Variants in EDARADD observed in about 807,000 individuals in gnomAD.
The protein encoded by EDARADD is ectodysplasin-A receptor-associated adapter protein.
Under a neutral mutation model 25.6 loss-of-function variants are expected in EDARADD, and 20 were observed. The observed-to-expected ratio is 0.78, with a 90% CI of 0.55 to 1.14. The LOEUF is 1.14. Among genes scored for constraint, EDARADD ranks in the 50% most tolerant of loss-of-function variants. EDARADD has a pLI of 0.00. For missense variants in EDARADD, 225 were observed against 270.1 expected (o/e 0.83, Z 1.17); for synonymous variants, 86 against 94.4 (o/e 0.91, Z 0.52).
intron 3 of EDARADD, among the ~76,000 whole-genome samples, chr1:236,352,170 G>A (rs1224629212): frequency 2.0e-5 from 3 of 152,040 alleles, no homozygotes; most frequent in African/African-American, 4.8e-5. Context: ...TGAAACTGCC[G>A]CCTAGAATAT....
intron 1 of EDARADD, among the ~76,000 whole-genome samples, chr1:236,405,886 TTTC>T (rs1667720158): frequency 3.1e-5 from 1 of 32,332 alleles, no homozygotes; most frequent in Non-Finnish European, 7.0e-5. Flanking sequence ...TCTTTCTTTC[TTTC>T]TTTCTTTCTT....
rs773408614 is a variant in EDARADD at position 236,482,579 on chromosome 1, A to G, written c.578A>G (p.Lys193Arg). 1 of 1,613,362 alleles carries G rather than the reference A, an allele frequency of 6.2e-7. No homozygotes were observed. The highest frequency in any genetic ancestry group is 8.5e-7 in the Non-Finnish European group (1 of 1,180,002). The change falls in exon 6 of 6, where the codon AAG becomes AGG. Residue 193 changes from lysine to arginine, a missense_variant. Transcript: ENST00000334232. ...CRLYHRADVE[K>R]VLRRWVDEEW... Reference sequence around the variant, plus strand: ...CTCTACCACAGGGCCGACGTGGAGAAGGTTCTGCGCAGGTGGGTGGACGAG... The same window carrying G: ...CTCTACCACAGGGCCGACGTGGAGAGGGTTCTGCGCAGGTGGGTGGACGAG...
intron 4 of EDARADD, among the ~76,000 whole-genome samples, chr1:236,458,504 G>C (rs11587195): frequency 0.34 from 52,125 of 151,996 alleles, 9,445 homozygotes; most frequent in Non-Finnish European, 0.41. Context: ...AGTAACATGT[G>C]GGGAGTGAGA....
chr1:236,376,852 T>C (rs1667231078), intron 3 of EDARADD, among the ~76,000 whole-genome samples: 1 of 152,064 alleles, frequency 6.6e-6, no homozygotes, highest in Non-Finnish European at 1.5e-5. Context: ...TCATTCCAGT[T>C]TTTTCCAATC....
chr1:236,459,611 C>CTTTTTTT (rs397860471), intron 4 of EDARADD, among the ~76,000 whole-genome samples: 1 of 100,486 alleles, frequency 1.0e-5, no homozygotes, highest in Non-Finnish European at 2.0e-5. Flanking sequence ...TTATTTAGCT[C>CTTTTTTT]TTTTTTTTTT....
chr1:236,479,478 A>T (rs914611966), intron 5 of EDARADD, among the ~76,000 whole-genome samples: 3 of 151,496 alleles, frequency 2.0e-5, no homozygotes, highest in African/African-American at 7.3e-5. Flanking sequence ...CTGGGCAACA[A>T]AGCAAGACCC....
Position 236,351,839 on chromosome 1 carries a change from G to T in EDARADD, c.-6+1000G>T, listed in dbSNP as rs1473177576. On this transcript the variant is annotated intron_variant, in intron 3 of 7. Transcript: ENST00000439430. ...GAGAGTCACACACAAGGGGGTTTGG[G>T]GGTGCTACCTTTATGGGTTTTTTTA... Among the ~76,000 whole-genome samples the T allele has an allele frequency of 3.9e-5, 6 of 152,222 alleles. 1 individual carries two copies. The highest frequency in any genetic ancestry group is 3.9e-4 in the Admixed American group (6 of 15,294).
chr1:236,396,485 AT>A (rs1667517285), intron 1 of EDARADD, among the ~76,000 whole-genome samples: 2 of 152,190 alleles, frequency 1.3e-5, no homozygotes, highest in Admixed American at 1.3e-4. Context: ...ACAGAACCTG[AT>A]ATAACCGTTT....
At chr1:236,382,832 G>A (rs1667316415) in intron 3 of EDARADD, among the ~76,000 whole-genome samples, 1 of 152,236 alleles carries the variant, frequency 6.6e-6, no homozygotes. Context: ...CACCAGGCAC[G>A]GTTCCCTCTG....
intron 5 of EDARADD, among the ~76,000 whole-genome samples, chr1:236,471,293 G>A (rs973694559): frequency 6.6e-6 from 1 of 152,144 alleles, no homozygotes; most frequent in African/African-American, 2.4e-5. Context: ...CCTTGGGTCA[G>A]TTTCTTAGTA....
chr1:236,411,041 C>T lies in EDARADD; in HGVS notation c.120+1767C>T, dbSNP rs929552682. On this transcript the variant is annotated intron_variant, in intron 2 of 5. Transcript: ENST00000334232. ...ATTCAGTTTGCCTTCTTTCCCTTCC[C>T]ACTGCCCCCACCTGTGACTCTCCAG... Among the ~76,000 whole-genome samples, 8 of 152,272 alleles carry T rather than the reference C, an allele frequency of 5.3e-5. No homozygotes were observed. In the East Asian group the frequency reaches 1.4e-3, roughly 26 times the overall value.
intron 5 of EDARADD, among the ~76,000 whole-genome samples, chr1:236,480,133 A>ATATCTATCTATCTATCTATCTATC (rs1553271651): frequency 7.0e-6 from 1 of 142,090 alleles, no homozygotes; most frequent in African/African-American, 2.7e-5. Context: ...ATATATATAT[A>ATATCTATCTATCTATCTATCTATC]TATCACATTT....
intron 1 of EDARADD, among the ~76,000 whole-genome samples, chr1:236,403,481 G>C (rs1423002364): frequency 6.6e-6 from 1 of 151,212 alleles, no homozygotes; most frequent in Non-Finnish European, 1.5e-5. Context: ...TAGAGACGGG[G>C]TTTCACCACG....
At chr1:236,412,482 C>G (rs766236988) in intron 2 of EDARADD, among the ~76,000 whole-genome samples, 9 of 152,134 alleles carry the variant, frequency 5.9e-5, no homozygotes, top group Non-Finnish European at 1.2e-4. Context: ...AATCCCTTTG[C>G]TTATCTTTCT....
At chr1:236,472,590 G>T (rs540944194) in intron 5 of EDARADD, among the ~76,000 whole-genome samples, 6 of 152,114 alleles carry the variant, frequency 3.9e-5, no homozygotes, top group Non-Finnish European at 5.9e-5. Context: ...GTGCAGTGGC[G>T]CAATCTCAGC....
At chr1:236,424,154 CTTTTT>C (rs34454343) in intron 3 of EDARADD, among the ~76,000 whole-genome samples, 1 of 74,400 alleles carries the variant, frequency 1.3e-5, no homozygotes, top group Non-Finnish European at 2.4e-5. Context: ...TGTGAAGCAT[CTTTTT>C]TTTTTTTTTT....
At chr1:236,457,398 G>A (rs181455342) in intron 4 of EDARADD, among the ~76,000 whole-genome samples, 4 of 151,518 alleles carry the variant, frequency 2.6e-5, no homozygotes, top group Non-Finnish European at 4.4e-5. Flanking sequence ...GCCTGTAGTC[G>A]CAGCTACTCG....
chr1:236,476,248 C>T (rs1046501709), intron 5 of EDARADD, among the ~76,000 whole-genome samples: 1 of 151,584 alleles, frequency 6.6e-6, no homozygotes, highest in African/African-American at 2.4e-5. Context: ...TTTACAGAAA[C>T]CTTCTGATGT....
intron 3 of EDARADD, among the ~76,000 whole-genome samples, chr1:236,380,941 C>A (rs550967571): frequency 6.6e-6 from 1 of 152,140 alleles, no homozygotes; most frequent in Non-Finnish European, 1.5e-5. Flanking sequence ...ATCAACTGCA[C>A]ATATGTCAAG....
Sources: gnomAD v4.1 joint callset for allele counts (sites outside exome capture counted in the v4.1 genomes callset) on GRCh38, gnomAD v4.1.1 for gene constraint, MANE v1.5 for transcripts, NCBI Gene and HGNC (gene_info 2026-07-23, HGNC 2026-07-21) for gene names.